Variants in BORCS5 observed in about 807,000 individuals in gnomAD.
BORCS5 encodes BLOC-1-related complex subunit 5.
In BORCS5, 17 loss-of-function variants were observed where a neutral mutation model predicts 22.1. The ratio of observed to expected loss-of-function variants is 0.77; its 90% CI spans 0.53 to 1.15. The LOEUF (loss-of-function observed/expected upper bound fraction) is 1.15, where lower values mean the gene tolerates loss of function less well. Among genes scored for constraint, BORCS5 ranks in the 50% most tolerant of loss-of-function variants. The pLI, the probability that BORCS5 is intolerant of heterozygous loss-of-function variation, is 0.00. For synonymous variants in BORCS5, 117 were observed against 99.8 expected (o/e 1.17, Z -1.03); for missense variants, 247 against 253.2 (o/e 0.98, Z 0.17).
intron 2 of BORCS5, among the ~76,000 whole-genome samples, chr12:12,382,242 A>G (rs923672559): frequency 2.6e-5 from 4 of 151,264 alleles, no homozygotes; most frequent in African/African-American, 9.7e-5. Flanking sequence ...TCATGGAGGA[A>G]GGTGAAGGAG....
Position 12,469,590 on chromosome 12 carries a change from G to A in BORCS5, c.*3814G>A, listed in dbSNP as rs1943256904. ...ACGTATGCCACTTTTGTGTTGATTTGTAGAACTTACTTAGCTTTGGCATTT... is the reference window on the plus strand; with the variant it reads ...ACGTATGCCACTTTTGTGTTGATTTATAGAACTTACTTAGCTTTGGCATTT... On this transcript the variant is annotated 3_prime_UTR_variant, in exon 4 of 4. Coordinates refer to ENST00000314565, the MANE Select transcript of BORCS5 (RefSeq NM_058169.6). 6.6e-6 allele frequency: 1 copy of A among 152,222 alleles called. No individual in the cohort carries two copies. The highest frequency in any genetic ancestry group is 2.4e-5 in the African/African-American group (1 of 41,452). The allele number at this position is 152,222 out of a possible 1,614,324, so 9.4% of individuals were successfully genotyped here. A position where few individuals can be genotyped will look rare whatever the true frequency, so the allele number is the denominator to read the frequency against.
chr12:12,360,882 C>A (rs771784625), intron 1 of BORCS5, among the ~76,000 whole-genome samples: 3 of 151,926 alleles, frequency 2.0e-5, no homozygotes, highest in African/African-American at 7.2e-5. Flanking sequence ...CACCATGCCC[C>A]GCTAATTTTT....
intron 2 of BORCS5, among the ~76,000 whole-genome samples, chr12:12,425,717 A>C (rs183902162): frequency 5.3e-5 from 8 of 152,186 alleles, no homozygotes; most frequent in Admixed American, 2.6e-4. Context: ...GCTCCTTTTC[A>C]TATTTGCCTT....
intron 2 of BORCS5, among the ~76,000 whole-genome samples, chr12:12,388,365 C>A (rs1863927799): frequency 6.6e-6 from 1 of 151,178 alleles, no homozygotes; most frequent in Non-Finnish European, 1.5e-5. Flanking sequence ...TGCCCCAAAC[C>A]TCAAATAGGA....
Position 12,465,709 on chromosome 12 carries a change from G to A in BORCS5, c.524G>A (p.Ser175Asn). 2 of 1,614,236 alleles carry A rather than the reference G, an allele frequency of 1.2e-6. No homozygotes were observed. Among genetic ancestry groups the A allele is most frequent in the Non-Finnish European group, 1.7e-6 (2 of 1,180,048 alleles). The change falls in exon 4 of 4, where the codon AGC becomes AAC. Residue 175 changes from serine (S) to asparagine (N), a missense_variant. Transcript: ENST00000314565. ...GTGCCCCTGCTGGACAGGCTCAACA[G>A]CATGCTGCCCGAGGGCGAGCGGCTG... is the stretch of plus-strand genomic sequence containing the variant. ...QTVPLLDRLN[S>N]MLPEGERLEP...
chr12:12,468,250 G>C lies in BORCS5; in HGVS notation c.*2474G>C, dbSNP rs1943233913. 1 of 152,068 alleles carries C rather than the reference G, an allele frequency of 6.6e-6. No homozygotes were observed. Among genetic ancestry groups the C allele is most frequent in the South Asian group, 2.1e-4 (1 of 4,824 alleles). The allele number at this position is 152,068 out of a possible 1,614,324, so 9.4% of individuals were successfully genotyped here. The stretch of plus-strand genomic sequence containing the variant: ...GTGGTTCTTTTCTGATGGAACCTCT[G>C]ACTGGTAACATGGCATTACCAGTCC... On this transcript the variant is annotated 3_prime_UTR_variant, in exon 4 of 4. Transcript: ENST00000314565.
At chr12:12,418,581 G>A (rs1051354093) in intron 2 of BORCS5, among the ~76,000 whole-genome samples, 3 of 152,116 alleles carry the variant, frequency 2.0e-5, no homozygotes, top group South Asian at 2.1e-4. Flanking sequence ...CAGCTACTTG[G>A]GAGTCTAAGG....
intron 1 of BORCS5, among the ~76,000 whole-genome samples, chr12:12,360,711 G>A (rs1463893202): frequency 6.6e-6 from 1 of 150,740 alleles, no homozygotes; most frequent in East Asian, 2.0e-4. Context: ...CACCCAGCCT[G>A]AGGTGGCGTT....
In BORCS5 at chr12:12,462,756, A is replaced by G. The variant is rs1388340103; in HGVS notation, c.361-2790A>G. 3.3e-5 allele frequency among the ~76,000 whole-genome samples: 5 copies of G among 152,118 alleles called. No individual in the cohort carries two copies. In the East Asian group the frequency reaches 9.6e-4, roughly 29 times the overall value. ...ACTGCAACCTCTGCCTCCTGGGTTC[A>G]AACGATTCTCCTGCCTCAGCCTCCC... is the stretch of plus-strand genomic sequence containing the variant. On this transcript the variant is annotated intron_variant, in intron 3 of 3. Transcript: ENST00000314565.
chr12:12,361,242 A>G lies in BORCS5; in HGVS notation c.95A>G (p.Asp32Gly), dbSNP rs1356156887. ...PSPAKHRAKM[D>G]DIVVVAQGSQ... ...CCAGCCAAGCATAGAGCCAAGATGG[A>G]TGATATTGTGGTTGTAGCTCAGGGC... is the stretch of plus-strand genomic sequence containing the variant. Residue 32 changes from aspartate to glycine, a missense_variant, in exon 2 of 4, where the codon GAT (aspartate) becomes GGT (glycine). Transcript: ENST00000314565. 1.2e-6 allele frequency: 2 copies of G among 1,614,118 alleles called. No individual in the cohort carries two copies. Among genetic ancestry groups the G allele is most frequent in the Non-Finnish European group, 1.7e-6 (2 of 1,180,020 alleles).
intron 3 of BORCS5, among the ~76,000 whole-genome samples, chr12:12,439,573 A>G (rs546696752): frequency 9.9e-6 from 1 of 101,180 alleles, no homozygotes; most frequent in South Asian, 3.3e-4. Context: ...GGTTGCGGTG[A>G]GCCGAGATCT....
intron 2 of BORCS5, among the ~76,000 whole-genome samples, chr12:12,374,403 T>C (rs1191885880): frequency 6.7e-6 from 1 of 149,476 alleles, no homozygotes; most frequent in Non-Finnish European, 1.5e-5. Context: ...GAGGCCGAGG[T>C]GGGAGGATTA....
In BORCS5 at chr12:12,468,461, T is replaced by C. The variant is rs1745253691; in HGVS notation, c.*2685T>C. 6.6e-6 allele frequency: 1 copy of C among 152,278 alleles called. No individual in the cohort carries two copies. The highest frequency in any genetic ancestry group is 6.5e-5 in the Admixed American group (1 of 15,284). The allele number at this position is 152,278 out of a possible 1,614,324, so 9.4% of individuals were successfully genotyped here. On this transcript the variant is annotated 3_prime_UTR_variant, in exon 4 of 4. Coordinates refer to ENST00000314565, the MANE Select transcript of BORCS5 (RefSeq NM_058169.6). ...GCTGGACGTTTCTAGCCTTAATCTT[T>C]GGCAAGCCATTTCATTTCCCTGAGC...
chr12:12,365,197 G>A (rs1863378558), intron 2 of BORCS5, among the ~76,000 whole-genome samples: 1 of 152,100 alleles, frequency 6.6e-6, no homozygotes, highest in Admixed American at 6.6e-5. Context: ...TATAGGAAGA[G>A]GTTATCGGGG....
At chr12:12,438,385 A>AAAAAAAAAAAACAC (rs1555156048) in intron 3 of BORCS5, among the ~76,000 whole-genome samples, 55 of 126,132 alleles carry the variant, frequency 4.4e-4, no homozygotes, top group African/African-American at 1.6e-3. Flanking sequence ...AAAAAACGAA[A>AAAAAAAAAAAACAC]AACAACAACA....
rs1446699052 is a variant in BORCS5, at chr12:12,419,779, A to G, written c.203-15849A>G. Among the ~76,000 whole-genome samples the G allele has an allele frequency of 3.9e-5, 6 of 152,142 alleles. No individual in the cohort carries two copies. In the South Asian group the frequency reaches 6.2e-4, roughly 16 times the overall value. On this transcript the variant is annotated intron_variant, in intron 2 of 3. Coordinates refer to ENST00000314565, the MANE Select transcript of BORCS5 (RefSeq NM_058169.6). ...GTATCTCATTGTGGTTTTGATTCGC[A>G]TTTCTCTGATGACCAGTGATGATGA...
chr12:12,364,654 A>C (rs1221497719), intron 2 of BORCS5, among the ~76,000 whole-genome samples: 3 of 152,190 alleles, frequency 2.0e-5, no homozygotes, highest in Non-Finnish European at 4.4e-5. Flanking sequence ...TGTTAAGGGA[A>C]GCTAACCTCA....
At chr12:12,378,071 T>C (rs1408600590) in intron 2 of BORCS5, among the ~76,000 whole-genome samples, 1 of 152,192 alleles carries the variant, frequency 6.6e-6, no homozygotes, top group African/African-American at 2.4e-5. Flanking sequence ...AAAATACTTC[T>C]GTTTTAAAGT....
At chr12:12,413,108 C>CTTTTTTTT in intron 2 of BORCS5, among the ~76,000 whole-genome samples, 1 of 20,740 alleles carries the variant, frequency 4.8e-5, no homozygotes, top group Non-Finnish European at 1.0e-4. Context: ...GGTGATGACT[C>CTTTTTTTT]TTTTTTTTTT....
Sources: gnomAD v4.1 joint callset for allele counts (sites outside exome capture counted in the v4.1 genomes callset) on GRCh38, gnomAD v4.1.1 for gene constraint, MANE v1.5 for transcripts, NCBI Gene and HGNC (gene_info 2026-07-23, HGNC 2026-07-21) for gene names.